The following TBC1D32 variants were observed in gnomAD, a reference collection of about 807,000 sequenced individuals.
TBC1D32 encodes the protein TBC1 domain family member 32, also known as protein broad-minded.
TBC1D32 carries 151 observed loss-of-function variants against 170.3 expected under a neutral mutation model. That is an observed-to-expected ratio of 0.89 (90% CI 0.78 to 1.01). TBC1D32 has a LOEUF of 1.01. TBC1D32 is among the 50% of genes least tolerant of loss of function. TBC1D32 has a pLI of 0.00. For missense variants in TBC1D32, 1,464 were observed against 1,457.1 expected, an observed-to-expected ratio of 1.00 and a Z score of -0.08; for synonymous variants, 498 against 488.0, an observed-to-expected ratio of 1.02 and a Z score of -0.27.
chr6:121,204,174 A>G (rs925570694), intron 22 of TBC1D32, among the ~76,000 whole-genome samples: 17 of 151,394 alleles, frequency 1.1e-4, no homozygotes, highest in African/African-American at 3.9e-4. Flanking sequence ...AAAAATTAAA[A>G]TTTAATGTGA....
In TBC1D32 at chr6:121,334,316, T is replaced by G. The variant is rs1323209264; in HGVS notation, c.115A>C (p.Ile39Leu). 5.6e-6 allele frequency: 9 copies of G among 1,613,914 alleles called. No homozygotes were observed. Among genetic ancestry groups the G allele is most frequent in the Middle Eastern group, 3.3e-4 (2 of 6,084 alleles). ...GAPSLECAEEILLHLEETDEN... is the reference protein window; with the variant it reads ...GAPSLECAEELLLHLEETDEN... ...TCAGTTTCCTCCAGATGTAAAAGAA[T>G]CTCTTCGGCACACTCCAGGGAAGGG... Residue 39 changes from isoleucine to leucine, a missense_variant, in exon 1 of 32, where the codon ATT (isoleucine) becomes CTT (leucine). Ile to Leu is a conservative substitution (Grantham distance 5). Coordinates refer to ENST00000398212, the MANE Select transcript of TBC1D32 (RefSeq NM_152730.6).
At chr6:121,191,101 C>A (rs1369935941) in intron 22 of TBC1D32, among the ~76,000 whole-genome samples, 1 of 151,664 alleles carries the variant, frequency 6.6e-6, no homozygotes, top group Non-Finnish European at 1.5e-5. Context: ...GATACATATG[C>A]ATGTGTGGAT....
chr6:121,087,837 T>G (rs938740447), intron 31 of TBC1D32, among the ~76,000 whole-genome samples: 2 of 152,206 alleles, frequency 1.3e-5, no homozygotes, highest in Non-Finnish European at 2.9e-5. Context: ...TTTTACTTTA[T>G]CTTCATTCTT....
chr6:121,112,103 A>G (rs1468257927), intron 29 of TBC1D32, among the ~76,000 whole-genome samples: 1 of 152,176 alleles, frequency 6.6e-6, no homozygotes, highest in African/African-American at 2.4e-5. Flanking sequence ...ATAATTTTCT[A>G]TAGAAAATAG....
In TBC1D32 at chr6:121,113,172, C is replaced by A. The variant is rs1463209065; in HGVS notation, c.3059G>T (p.Gly1020Val). The change falls in exon 28 of 32, where the codon GGC (glycine) becomes GTC (valine). Residue 1020 changes from glycine (G) to valine (V), a missense_variant. Gly to Val is a moderately radical substitution (Grantham distance 109, BLOSUM62 -3). Coordinates refer to ENST00000398212, the MANE Select transcript of TBC1D32 (RefSeq NM_152730.6). ...ATCTTTTAAGAGACTGAGGAATTTG[C>A]CATACCTATATTAAAAGCCCACAAA... is the stretch of plus-strand genomic sequence containing the variant. ...QLGIKMTVRY[G>V]KFLSLLKDGA... is the part of the protein sequence containing the mutation. 7 of 1,597,300 alleles carry A rather than the reference C, an allele frequency of 4.4e-6. No individual in the cohort carries two copies. The highest frequency in any genetic ancestry group is 5.1e-6 in the Non-Finnish European group (6 of 1,173,150).
Position 121,125,979 on chromosome 6 carries a change from C to A in TBC1D32, c.2983+399G>T, listed in dbSNP as rs939085225. 2.6e-5 allele frequency among the ~76,000 whole-genome samples: 4 copies of A among 152,186 alleles called. No individual in the cohort carries two copies. The East Asian group carries it at 7.7e-4, about 29-fold the overall frequency. On this transcript the variant is annotated intron_variant, in intron 26 of 31. Coordinates refer to ENST00000398212, the MANE Select transcript of TBC1D32 (RefSeq NM_152730.6). ...ATCCAGGTGATGTTTACTTACTAGGCCACTGGAAATACAAGAATAAAGCCT... is the reference window on the plus strand; with the variant it reads ...ATCCAGGTGATGTTTACTTACTAGGACACTGGAAATACAAGAATAAAGCCT...
At chr6:121,213,520 A>AACAT (rs1793402068) in intron 21 of TBC1D32, among the ~76,000 whole-genome samples, 7 of 41,896 alleles carry the variant, frequency 1.7e-4, no homozygotes, top group Admixed American at 2.7e-4. Flanking sequence ...AAAATAAAAT[A>AACAT]AAATAAATAA....
chr6:121,218,391 T>C (rs1489201136), intron 21 of TBC1D32, among the ~76,000 whole-genome samples: 1 of 152,150 alleles, frequency 6.6e-6, no homozygotes, highest in Non-Finnish European at 1.5e-5. Context: ...GAACTGTAGT[T>C]CCCATAATCC....
In TBC1D32 at chr6:121,197,242, T is replaced by A. The variant is rs551197929; in HGVS notation, c.2570+7833A>T. ...CTCTTAGTATTACCATGCCCTGTGATTAAGGTCAATGGGAAACTACAACAG... is the reference window on the plus strand; with the variant it reads ...CTCTTAGTATTACCATGCCCTGTGAATAAGGTCAATGGGAAACTACAACAG... On this transcript the variant is annotated intron_variant, in intron 22 of 31. Coordinates refer to ENST00000398212, the MANE Select transcript of TBC1D32 (RefSeq NM_152730.6). 2.6e-5 allele frequency among the ~76,000 whole-genome samples: 4 copies of A among 152,098 alleles called. No individual in the cohort carries two copies. The South Asian group carries it at 8.3e-4, about 32-fold the overall frequency.
chr6:121,142,070 A>T (rs1782857559), intron 24 of TBC1D32, among the ~76,000 whole-genome samples: 2 of 152,268 alleles, frequency 1.3e-5, no homozygotes, highest in Non-Finnish European at 2.9e-5. Flanking sequence ...TGTTTGCTCC[A>T]AGCCTTTGTC....
At chr6:121,168,457 C>A (rs1237006743) in intron 22 of TBC1D32, among the ~76,000 whole-genome samples, 1 of 94,204 alleles carries the variant, frequency 1.1e-5, no homozygotes, top group African/African-American at 3.5e-5. Flanking sequence ...TAACCTATCA[C>A]AAGAACAAAA....
intron 1 of TBC1D32, among the ~76,000 whole-genome samples, chr6:121,328,846 A>G (rs779085616): frequency 6.6e-6 from 1 of 152,220 alleles, no homozygotes; most frequent in Non-Finnish European, 1.5e-5. Flanking sequence ...TATACTATGC[A>G]TACATTTGAC....
intron 22 of TBC1D32, among the ~76,000 whole-genome samples, chr6:121,189,319 T>C (rs1370417549): frequency 6.6e-6 from 1 of 152,048 alleles, no homozygotes; most frequent in Non-Finnish European, 1.5e-5. Flanking sequence ...TCCAGAGCCC[T>C]GAGACTCACA....
intron 24 of TBC1D32, among the ~76,000 whole-genome samples, chr6:121,158,858 C>T (rs1276421072): frequency 6.6e-6 from 1 of 152,102 alleles, no homozygotes; most frequent in Non-Finnish European, 1.5e-5. Flanking sequence ...AATTCTCTAG[C>T]CTAAAAATTC....
chr6:121,322,853 T>C (rs1042216043), intron 1 of TBC1D32, among the ~76,000 whole-genome samples: 1 of 152,248 alleles, frequency 6.6e-6, no homozygotes, highest in South Asian at 2.1e-4. Flanking sequence ...TTATCTTTTC[T>C]AAATGTTTGT....
intron 30 of TBC1D32, among the ~76,000 whole-genome samples, chr6:121,103,028 A>T (rs1778296622): frequency 6.6e-6 from 1 of 152,184 alleles, no homozygotes; most frequent in Non-Finnish European, 1.5e-5. Context: ...TCAAAACCAC[A>T]ATGAGATACC....
chr6:121,115,207 T>A lies in TBC1D32; in HGVS notation c.3018A>T (p.Ser1006=), dbSNP rs201359283. 6.2e-7 allele frequency: 1 copy of A among 1,602,600 alleles called. No individual in the cohort carries two copies. The highest frequency in any genetic ancestry group is 8.5e-7 in the Non-Finnish European group (1 of 1,173,086). Residue 1006 remains serine (S), a synonymous_variant, in exon 27 of 32, where the codon TCA becomes TCT. Coordinates refer to ENST00000398212, the MANE Select transcript of TBC1D32 (RefSeq NM_152730.6). ...TDANVKNESL[S]SVQQLGIKMT... is the part of the protein sequence containing the mutation. ...TTTTAATGCCAAGCTGCTGCACAGA[T>A]GAAAGACTTTCATTCTTCACATTTG...
At chr6:121,117,562 C>A (rs1216865388) in intron 26 of TBC1D32, among the ~76,000 whole-genome samples, 5 of 151,856 alleles carry the variant, frequency 3.3e-5, no homozygotes, top group Non-Finnish European at 4.4e-5. Context: ...ATTAGCCAGG[C>A]GTGGTGGCAC....
chr6:121,259,596 C>G (rs534736022), intron 15 of TBC1D32, among the ~76,000 whole-genome samples: 2 of 152,110 alleles, frequency 1.3e-5, no homozygotes, highest in African/African-American at 4.8e-5. Context: ...GCAATAAAAC[C>G]CCCAAAGACA....
Sources: allele counts gnomAD v4.1 joint callset (sites outside exome capture counted in the v4.1 genomes callset), GRCh38; gene constraint gnomAD v4.1.1; transcripts MANE v1.5; gene names NCBI Gene and HGNC (gene_info 2026-07-23, HGNC 2026-07-21).